Variants in KAT6A observed in about 807,000 individuals in gnomAD.
KAT6A encodes lysine acetyltransferase 6A, also known as histone acetyltransferase KAT6A.
Under a neutral mutation model 198.4 loss-of-function variants are expected in KAT6A, and 9 were observed. The ratio of observed to expected loss-of-function variants is 0.05; its 90% CI spans 0.03 to 0.08. KAT6A has a LOEUF of 0.08. KAT6A is among the 10% of genes least tolerant of loss of function. The pLI, the probability that KAT6A is intolerant of heterozygous loss-of-function variation, is 1.00. For missense variants in KAT6A, 2,077 were observed against 2,509.9 expected (o/e 0.83, Z 3.69); for synonymous variants, 890 against 883.0 (o/e 1.01, Z -0.14).
intron 2 of KAT6A, among the ~76,000 whole-genome samples, chr8:42,024,609 T>G (rs930562163): frequency 6.6e-6 from 1 of 152,216 alleles, no homozygotes; most frequent in Non-Finnish European, 1.5e-5. Context: ...TCTCAGACTT[T>G]GGTAACTATC....
intron 6 of KAT6A, chr8:41,977,587 T>C (rs1026037887): frequency 2.8e-6 from 1 of 350,888 alleles, no homozygotes; most frequent in African/African-American, 2.1e-5. Flanking sequence ...CATAATTCTC[T>C]CTTACTAGCT....
chr8:42,024,067 C>G (rs750095578), intron 2 of KAT6A, among the ~76,000 whole-genome samples: 2 of 152,000 alleles, frequency 1.3e-5, no homozygotes, highest in African/African-American at 4.8e-5. Context: ...ACCGTAAACT[C>G]TTTTTAATAA....
intron 2 of KAT6A, among the ~76,000 whole-genome samples, chr8:41,990,797 G>T (rs1824899807): frequency 6.6e-6 from 1 of 152,038 alleles, no homozygotes; most frequent in African/African-American, 2.4e-5. Context: ...TTCAAGACCA[G>T]CCTGGCCAAC....
chr8:42,003,659 T>C (rs551394899), intron 2 of KAT6A, among the ~76,000 whole-genome samples: 16 of 152,238 alleles, frequency 1.1e-4, no homozygotes, highest in Middle Eastern at 6.8e-3. Context: ...CAGGAGGTCA[T>C]TGTTACAGGC....
At chr8:42,014,090 T>C (rs1826150354) in intron 2 of KAT6A, among the ~76,000 whole-genome samples, 1 of 152,156 alleles carries the variant, frequency 6.6e-6, no homozygotes, top group Non-Finnish European at 1.5e-5. Flanking sequence ...TGAAATATTA[T>C]TTTAATATTT....
chr8:42,016,953 AAT>A (rs1826301531), intron 2 of KAT6A, among the ~76,000 whole-genome samples: 1 of 152,164 alleles, frequency 6.6e-6, no homozygotes, highest in Non-Finnish European at 1.5e-5. Context: ...AATTTTTATC[AAT>A]ATCTCTTCAA....
chr8:42,025,295 T>A (rs1474270898), intron 2 of KAT6A, among the ~76,000 whole-genome samples: 1 of 152,032 alleles, frequency 6.6e-6, no homozygotes, highest in African/African-American at 2.4e-5. Flanking sequence ...CACTGCAACC[T>A]CCACCTCCCA....
At chr8:42,031,044 G>GA (rs1434055457) in intron 2 of KAT6A, among the ~76,000 whole-genome samples, 7 of 134,442 alleles carry the variant, frequency 5.2e-5, no homozygotes, top group Admixed American at 5.2e-4. Context: ...AAAAAGGGGG[G>GA]GGGGACAGGA....
intron 3 of KAT6A, among the ~76,000 whole-genome samples, chr8:41,983,200 G>GT (rs567270575): frequency 1.4e-3 from 219 of 152,290 alleles, no homozygotes; most frequent in African/African-American, 5.2e-3. Flanking sequence ...TCCTCTAAAA[G>GT]TTGGTCGTGC....
chr8:42,029,722 T>C (rs1827012722), intron 2 of KAT6A, among the ~76,000 whole-genome samples: 1 of 152,012 alleles, frequency 6.6e-6, no homozygotes, highest in Non-Finnish European at 1.5e-5. Flanking sequence ...TCTCCCAAAA[T>C]GCTGGGATTG....
intron 2 of KAT6A, among the ~76,000 whole-genome samples, chr8:42,037,668 T>TATCTTCTTTAACACATTGAAA (rs1827447274): frequency 6.7e-6 from 1 of 149,456 alleles, no homozygotes; most frequent in Non-Finnish European, 1.5e-5. Context: ...AAGAAGCAAC[T>TATCTTCTTTAACACATTGAAA]ATCTTCTTTA....
intron 9 of KAT6A, among the ~76,000 whole-genome samples, chr8:41,952,735 A>T (rs1037226971): frequency 6.6e-6 from 1 of 152,210 alleles, no homozygotes; most frequent in African/African-American, 2.4e-5. Context: ...GCATTAACAA[A>T]ATTAAGAATA....
Position 41,934,700 on chromosome 8 carries a change from T to C in KAT6A, c.3520A>G (p.Lys1174Glu). ...KKRPGRKPGFKLSREIMPVST... is the reference protein window; with the variant it reads ...KKRPGRKPGFELSREIMPVST... ...ACTGGCATGATTTCCCGACTCAACTTAAATCCTGGTTTTCGACCAGGTCTT... is the reference window on the plus strand; with the variant it reads ...ACTGGCATGATTTCCCGACTCAACTCAAATCCTGGTTTTCGACCAGGTCTT... The change falls in exon 17 of 17, where the codon AAG (lysine) becomes GAG (glutamate). Residue 1174 changes from lysine (K) to glutamate (E), a missense_variant. Physicochemically the swap from Lys to Glu is moderately conservative, Grantham distance 56. Around this residue, in one of 13 missense-constraint regions of KAT6A, gnomAD observed 375 missense variants for 383.0 expected, o/e 0.98. Coordinates refer to ENST00000265713, the MANE Select transcript of KAT6A (RefSeq NM_006766.5). 1 of 1,614,200 alleles carries C rather than the reference T, an allele frequency of 6.2e-7. No homozygotes were observed. Among genetic ancestry groups the C allele is most frequent in the Non-Finnish European group, 8.5e-7 (1 of 1,180,036 alleles).
intron 8 of KAT6A, among the ~76,000 whole-genome samples, chr8:41,970,227 C>A (rs1823718974): frequency 6.6e-6 from 1 of 152,146 alleles, no homozygotes; most frequent in South Asian, 2.1e-4. Flanking sequence ...GAAATAGCAC[C>A]ATCATCAGAA....
chr8:41,944,703 C>T (rs948659393), intron 12 of KAT6A, among the ~76,000 whole-genome samples: 4 of 152,184 alleles, frequency 2.6e-5, no homozygotes, highest in Non-Finnish European at 4.4e-5. Flanking sequence ...TGTTATTGCA[C>T]GGACTGTTTG....
At chr8:41,982,556 T>G (rs1240364589) in intron 3 of KAT6A, among the ~76,000 whole-genome samples, 1 of 152,196 alleles carries the variant, frequency 6.6e-6, no homozygotes, top group Non-Finnish European at 1.5e-5. Context: ...ACTCCTAAGT[T>G]TTAAGCCGCA....
In KAT6A at chr8:42,048,714, A is replaced by T; in HGVS notation, c.264T>A (p.His88Gln). ...GRIALPKPRN[H>Q]GKLDNKQNVD... is the part of the protein sequence containing the mutation. ...CATTTTGTTTATTATCCAATTTTCCATGGTTCCGAGGCTTAGGAAGTGCTA... is the reference window on the plus strand; with the variant it reads ...CATTTTGTTTATTATCCAATTTTCCTTGGTTCCGAGGCTTAGGAAGTGCTA... The change falls in exon 2 of 17, where the codon CAT becomes CAA. Residue 88 changes from histidine to glutamine, a missense_variant. His to Gln is a conservative substitution (Grantham distance 24). Around this residue, in one of 13 missense-constraint regions of KAT6A, gnomAD observed 185 missense variants for 185.7 expected, o/e 1.00. Transcript: ENST00000265713. 6.2e-7 allele frequency: 1 copy of T among 1,614,136 alleles called. No individual in the cohort carries two copies. Among genetic ancestry groups the T allele is most frequent in the Non-Finnish European group, 8.5e-7 (1 of 1,180,012 alleles).
intron 5 of KAT6A, among the ~76,000 whole-genome samples, chr8:41,979,662 C>G (rs1432599711): frequency 6.6e-6 from 1 of 151,722 alleles, no homozygotes; most frequent in Non-Finnish European, 1.5e-5. Flanking sequence ...GGTATTTATT[C>G]TTTAGTATTT....
At chr8:41,957,883 C>T (rs1320687123) in intron 8 of KAT6A, 1 of 152,608 alleles carries the variant, frequency 6.6e-6, no homozygotes, top group Non-Finnish European at 1.5e-5. Context: ...TGCAGTATCC[C>T]CAACTCTGGA....
Sources: allele counts gnomAD v4.1 joint callset (sites outside exome capture counted in the v4.1 genomes callset), GRCh38; gene constraint gnomAD v4.1.1; regional missense constraint gnomAD v4.1.1; transcripts MANE v1.5; gene names NCBI Gene and HGNC (gene_info 2026-07-23, HGNC 2026-07-21).